MYOM2: variants seen among roughly 807,000 people sequenced by gnomAD.
The protein encoded by MYOM2 is myomesin-2.
MYOM2 carries 254 observed loss-of-function variants against 187.6 expected under a neutral mutation model. The ratio of observed to expected loss-of-function variants is 1.35; its 90% CI spans 1.22 to 1.50. The LOEUF (loss-of-function observed/expected upper bound fraction) is 1.50. Ranked by LOEUF, MYOM2 falls within the 40% of genes most tolerant of loss-of-function variation. The probability of loss-of-function intolerance (pLI) is 0.00; values close to 1 mark genes in which losing one functional copy is unlikely to be tolerated. For missense variants in MYOM2, 2,796 were observed against 1,924.0 expected (o/e 1.45, Z -8.48); for synonymous variants, 981 against 753.8 (o/e 1.30, Z -4.94).
In MYOM2 at chr8:2,145,227, CAGAG is replaced by C; in HGVS notation, c.*249_*252del. ...ACGAGGGTAGACGGCAGATGCCTGA[CAGAG>C]AGTGGGTTGGCAGACAACACACTAG... On this transcript the variant is annotated 3_prime_UTR_variant, in exon 37 of 37. Coordinates refer to ENST00000262113, the MANE Select transcript of MYOM2 (RefSeq NM_003970.4). The C allele has an allele frequency of 1.7e-6, 1 of 574,322 alleles. No homozygotes were observed. The highest frequency in any genetic ancestry group is 3.4e-5 in the Admixed American group (1 of 29,020). The allele number at this position is 574,322 out of a possible 1,614,324, so 35.6% of individuals were successfully genotyped here. A position where few individuals can be genotyped will look rare whatever the true frequency, so the allele number is the denominator to read the frequency against.
intron 3 of MYOM2, among the ~76,000 whole-genome samples, chr8:2,053,895 G>C (rs1331189985): frequency 6.6e-6 from 1 of 152,324 alleles, no homozygotes; most frequent in Admixed American, 6.5e-5. Context: ...GGGGAAGATC[G>C]TTTTGAAATC....
intron 21 of MYOM2, among the ~76,000 whole-genome samples, chr8:2,105,398 C>G (rs1167206546): frequency 1.3e-5 from 2 of 152,200 alleles, no homozygotes; most frequent in African/African-American, 4.8e-5. Flanking sequence ...GACATAGATT[C>G]TGCCTTGCAC....
chr8:2,057,596 C>T (rs754039781), intron 4 of MYOM2, 27 bp from the exon 5 acceptor site: 44 of 1,613,426 alleles, frequency 2.7e-5, no homozygotes, highest in Non-Finnish European at 3.4e-6. Flanking sequence ...TGCCTGGGAA[C>T]CTGACCATCC....
At chr8:2,057,267 G>T in intron 3 of MYOM2, 81 bp from the exon 4 acceptor site, 1 of 1,503,224 alleles carries the variant, frequency 6.7e-7, no homozygotes, top group Non-Finnish European at 8.9e-7. Flanking sequence ...GGAGAGAATG[G>T]GCATGCCCTT....
intron 3 of MYOM2, among the ~76,000 whole-genome samples, chr8:2,056,661 A>G (rs1298737882): frequency 6.6e-6 from 1 of 152,230 alleles, no homozygotes; most frequent in East Asian, 1.9e-4. Context: ...CAGAAACTGC[A>G]TCCTTCTCAG....
At chr8:2,077,252 G>C (rs1238131501) in intron 11 of MYOM2, among the ~76,000 whole-genome samples, 1 of 152,140 alleles carries the variant, frequency 6.6e-6, no homozygotes, top group South Asian at 2.1e-4. Context: ...GGTGGTTGCA[G>C]TGAGCCAAGA....
At chr8:2,130,476 G>T (rs1408206622) in intron 32 of MYOM2, among the ~76,000 whole-genome samples, 1 of 152,202 alleles carries the variant, frequency 6.6e-6, no homozygotes, top group Non-Finnish European at 1.5e-5. Context: ...GTTACCTAAT[G>T]AATATTTCCA....
chr8:2,142,603 T>A (rs1563086686), intron 35 of MYOM2, among the ~76,000 whole-genome samples: 1 of 151,894 alleles, frequency 6.6e-6, no homozygotes, highest in Non-Finnish European at 1.5e-5. Context: ...CTTAGCCCCG[T>A]CACCCCTTGG....
intron 32 of MYOM2, among the ~76,000 whole-genome samples, chr8:2,138,183 G>T (rs976075888): frequency 6.6e-6 from 1 of 152,196 alleles, no homozygotes. Context: ...CACGGATGGA[G>T]ACTCTGGCAA....
chr8:2,090,277 C>T (rs1796253412), intron 15 of MYOM2, 86 bp downstream of exon 15: 1 of 1,309,186 alleles, frequency 7.6e-7, no homozygotes. Context: ...TGAATAAAGA[C>T]ATTAATGTTA....
chr8:2,128,647 C>T (rs1383874933), intron 31 of MYOM2, among the ~76,000 whole-genome samples: 1 of 152,182 alleles, frequency 6.6e-6, no homozygotes, highest in Non-Finnish European at 1.5e-5. Flanking sequence ...GTTTCTTCTG[C>T]TTTCCTTCCT....
chr8:2,143,622 C>T (rs1302744956), intron 36 of MYOM2, among the ~76,000 whole-genome samples, 166 bp downstream of exon 36: 1 of 152,174 alleles, frequency 6.6e-6, no homozygotes, highest in Admixed American at 6.5e-5. Flanking sequence ...TCCTAGACGG[C>T]TTGGAATAGC....
intron 15 of MYOM2, among the ~76,000 whole-genome samples, chr8:2,090,404 A>C (rs1796257130): frequency 6.6e-6 from 1 of 152,188 alleles, no homozygotes; most frequent in African/African-American, 2.4e-5. Flanking sequence ...CTTTTCATGA[A>C]ACCAGTAAGT....
In MYOM2 at chr8:2,067,939, T is replaced by C. The variant is rs371348479; in HGVS notation, c.654-1339T>C. 4.6e-5 allele frequency among the ~76,000 whole-genome samples: 7 copies of C among 152,238 alleles called. No individual in the cohort carries two copies. In the South Asian group the frequency reaches 1.5e-3, roughly 32 times the overall value. On this transcript the variant is annotated intron_variant, in intron 6 of 36. Coordinates refer to ENST00000262113, the MANE Select transcript of MYOM2 (RefSeq NM_003970.4). ...GGGAGCTGGGTAGGGTTGTAGAATC[T>C]GCTTTTGGAACAGGGAGTTTGTCAC...
chr8:2,057,373 G>A lies in MYOM2; in HGVS notation c.289G>A (p.Gly97Ser). ...SRYQSLVAAY[G>S]EAKRQRFLSE... ...GTACCAGTCCCTGGTGGCCGCCTATGGTGAGGCCAAGCGACAGCGCTTCCT... is the reference window on the plus strand; with the variant it reads ...GTACCAGTCCCTGGTGGCCGCCTATAGTGAGGCCAAGCGACAGCGCTTCCT... Residue 97 changes from glycine to serine, a missense_variant, in exon 4 of 37, where the codon GGT becomes AGT. Transcript: ENST00000262113. 3 of 1,612,658 alleles carry A rather than the reference G, an allele frequency of 1.9e-6. No homozygotes were observed. Among genetic ancestry groups the A allele is most frequent in the Non-Finnish European group, 2.5e-6 (3 of 1,179,352 alleles).
Position 2,144,838 on chromosome 8 carries a change from A to G in MYOM2, c.4255A>G (p.Asn1419Asp). Residue 1419 changes from asparagine to aspartate, a missense_variant, in exon 37 of 37, where the codon AAC becomes GAC. Physicochemically the swap from Asn to Asp is conservative, Grantham distance 23. Transcript: ENST00000262113. The part of the protein sequence containing the change: ...TSEDSGKYSI[N>D]IKNKYGGEKI... ...CGAGGACTCGGGCAAGTACAGCATC[A>G]ACATCAAGAATAAGTATGGCGGGGA... is the stretch of plus-strand genomic sequence containing the variant. 1 of 1,614,196 alleles carries G rather than the reference A, an allele frequency of 6.2e-7. No individual in the cohort carries two copies. Among genetic ancestry groups the G allele is most frequent in the Middle Eastern group, 1.6e-4 (1 of 6,062 alleles).
intron 31 of MYOM2, among the ~76,000 whole-genome samples, chr8:2,125,868 G>C (rs1283126393): frequency 4.0e-5 from 6 of 151,710 alleles, no homozygotes; most frequent in Admixed American, 3.3e-4. Flanking sequence ...CGCCCACCGA[G>C]GCCTCCCTAA....
chr8:2,078,395 C>T (rs1441070604), intron 11 of MYOM2, among the ~76,000 whole-genome samples: 1 of 152,152 alleles, frequency 6.6e-6, no homozygotes, highest in Non-Finnish European at 1.5e-5. Flanking sequence ...TAAGTCGGAA[C>T]AAGAACTGTT....
At chr8:2,050,370 G>C (rs1056717373) in intron 1 of MYOM2, among the ~76,000 whole-genome samples, 1 of 152,136 alleles carries the variant, frequency 6.6e-6, no homozygotes, top group East Asian at 1.9e-4. Flanking sequence ...CTTATCGTAT[G>C]TTCTCTTGTA....
Sources: allele counts gnomAD v4.1 joint callset (sites outside exome capture counted in the v4.1 genomes callset), GRCh38; gene constraint gnomAD v4.1.1; transcripts MANE v1.5; gene names NCBI Gene and HGNC (gene_info 2026-07-23, HGNC 2026-07-21).